ARHGAP32: variants seen among roughly 807,000 people sequenced by gnomAD.
The protein encoded by ARHGAP32 is Rho GTPase activating protein 32.
In ARHGAP32, 51 loss-of-function variants were observed where a neutral mutation model predicts 186.5. The ratio of observed to expected loss-of-function variants is 0.27; its 90% confidence interval spans 0.22 to 0.35. The LOEUF is 0.35. Among genes scored for constraint, ARHGAP32 ranks in the 10% least tolerant of loss-of-function variants. ARHGAP32 has a pLI of 1.00. For synonymous variants in ARHGAP32, 950 were observed against 964.3 expected (o/e 0.99, Z 0.27); for missense variants, 2,186 against 2,623.5 (o/e 0.83, Z 3.64).
chr11:129,025,697 G>A (rs1263228531), intron 11 of ARHGAP32, among the ~76,000 whole-genome samples: 1 of 151,836 alleles, frequency 6.6e-6, no homozygotes, highest in Non-Finnish European at 1.5e-5. Flanking sequence ...GATGAGGGAA[G>A]AGAGTGAGAA....
At chr11:129,083,842 C>T (rs548538365) in intron 6 of ARHGAP32, among the ~76,000 whole-genome samples, 1 of 151,996 alleles carries the variant, frequency 6.6e-6, no homozygotes, top group Non-Finnish European at 1.5e-5. Flanking sequence ...CAGAAATCAA[C>T]AAAACTGAAA....
chr11:129,066,963 T>C, intron 6 of ARHGAP32, 95 bp from the exon 7 acceptor site: 1 of 1,096,172 alleles, frequency 9.1e-7, no homozygotes, highest in East Asian at 2.6e-5. Context: ...ATTCATGAGA[T>C]TTTATATTTT....
At chr11:129,031,981 C>T (rs77300218) in intron 11 of ARHGAP32, among the ~76,000 whole-genome samples, 1,766 of 152,226 alleles carry the variant, frequency 0.012, 32 homozygotes, top group African/African-American at 0.04. Context: ...CAGGGGAGGA[C>T]CACCTTTCCA....
At chr11:129,154,176 T>C (rs929725191) in intron 2 of ARHGAP32, among the ~76,000 whole-genome samples, 1 of 152,110 alleles carries the variant, frequency 6.6e-6, no homozygotes, top group Non-Finnish European at 1.5e-5. Flanking sequence ...AAAATTACAA[T>C]GAGATAACTT....
intron 2 of ARHGAP32, among the ~76,000 whole-genome samples, chr11:129,131,799 G>A (rs1942816351): frequency 6.6e-6 from 1 of 152,100 alleles, no homozygotes; most frequent in South Asian, 2.1e-4. Context: ...TTTGAGTAGA[G>A]AAACAATAAA....
rs534800247 is a variant in ARHGAP32 at position 129,001,109 on chromosome 11, T to C, written c.1046-2641A>G. ...CAAACATGGGAGTGCAGATATCTCT[T>C]CTATATACGAATTTCCTTTCTTTTG... On this transcript the variant is annotated intron_variant, in intron 11 of 22. Coordinates refer to ENST00000682385, the MANE Select transcript of ARHGAP32 (RefSeq NM_001378024.1). Among the ~76,000 whole-genome samples the C allele has an allele frequency of 4.3e-4, 66 of 152,322 alleles. 2 individuals carry two copies. The South Asian group carries it at 0.013, about 31-fold the overall frequency.
intron 1 of ARHGAP32, among the ~76,000 whole-genome samples, chr11:129,234,496 C>T (rs980906955): frequency 6.6e-6 from 1 of 152,000 alleles, no homozygotes; most frequent in African/African-American, 2.4e-5. Flanking sequence ...AGTGCTAAGA[C>T]CTATTATCTT....
chr11:129,219,275 C>T (rs1944683931), intron 1 of ARHGAP32, among the ~76,000 whole-genome samples: 1 of 152,094 alleles, frequency 6.6e-6, no homozygotes, highest in Non-Finnish European at 1.5e-5. Flanking sequence ...GTACCTAGGA[C>T]TATATATACA....
At chr11:129,271,126 C>A (rs1458415953) in intron 1 of ARHGAP32, among the ~76,000 whole-genome samples, 1 of 152,116 alleles carries the variant, frequency 6.6e-6, no homozygotes, top group Non-Finnish European at 1.5e-5. Context: ...AGCCAGTAAG[C>A]AGAATGATAC....
At chr11:129,181,054 G>A (rs1363341352) in intron 1 of ARHGAP32, among the ~76,000 whole-genome samples, 1 of 152,118 alleles carries the variant, frequency 6.6e-6, no homozygotes, top group Non-Finnish European at 1.5e-5. Flanking sequence ...CCCAGGAACT[G>A]CACCTCAGGG....
At chr11:129,191,189 T>C (rs1051223476) in intron 1 of ARHGAP32, among the ~76,000 whole-genome samples, 2 of 152,164 alleles carry the variant, frequency 1.3e-5, no homozygotes, top group Non-Finnish European at 2.9e-5. Flanking sequence ...TATTCACCTA[T>C]CCAAGTTCTC....
intron 11 of ARHGAP32, among the ~76,000 whole-genome samples, chr11:129,025,382 A>C (rs944457665): frequency 6.6e-6 from 1 of 152,232 alleles, no homozygotes; most frequent in Non-Finnish European, 1.5e-5. Flanking sequence ...TCCACAATAA[A>C]AAACAATAAA....
At chr11:129,174,734 G>A (rs1223677551) in intron 1 of ARHGAP32, among the ~76,000 whole-genome samples, 1 of 152,138 alleles carries the variant, frequency 6.6e-6, no homozygotes, top group Non-Finnish European at 1.5e-5. Flanking sequence ...TGAGGATCCT[G>A]TCTGTTAGAA....
At chr11:129,164,876 CA>C (rs1243704911) in intron 1 of ARHGAP32, among the ~76,000 whole-genome samples, 1 of 152,042 alleles carries the variant, frequency 6.6e-6, no homozygotes, top group Non-Finnish European at 1.5e-5. Context: ...TCAATGAGAA[CA>C]ACTATGAATG....
intron 2 of ARHGAP32, among the ~76,000 whole-genome samples, chr11:129,127,962 C>A (rs1406739590): frequency 6.6e-6 from 1 of 152,166 alleles, no homozygotes; most frequent in Non-Finnish European, 1.5e-5. Context: ...CTATCTCTAG[C>A]AATTAACTGG....
intron 11 of ARHGAP32, among the ~76,000 whole-genome samples, chr11:129,001,449 T>C (rs535233359): frequency 6.6e-6 from 1 of 152,244 alleles, no homozygotes; most frequent in African/African-American, 2.4e-5. Flanking sequence ...CTTTTGCCCA[T>C]TTGTTAATCA....
Position 128,969,113 on chromosome 11 carries a change from C to A in ARHGAP32, c.6100G>T (p.Val2034Leu). Residue 2034 changes from valine to leucine, a missense_variant, in exon 23 of 23, where the codon GTG becomes TTG. By Grantham distance (32) the Val-to-Leu change is conservative (BLOSUM62 1). Transcript: ENST00000682385. The surrounding 1 kb of genome is among the most constrained non-coding windows in gnomAD (Gnocchi z 4.8). ...HGKRQSSVTV[V>L]SQYDNLEDYH... ...TCTTCCAGGTTATCATACTGGGACA[C>A]AACAGTCACACTGCTCTGGCGCTTG... is the stretch of plus-strand genomic sequence containing the variant. 2 of 1,605,106 alleles carry A rather than the reference C, an allele frequency of 1.2e-6. No homozygotes were observed. The highest frequency in any genetic ancestry group is 1.7e-6 in the Non-Finnish European group (2 of 1,173,878).
chr11:129,062,729 A>T (rs1386077709), intron 9 of ARHGAP32, among the ~76,000 whole-genome samples: 1 of 152,162 alleles, frequency 6.6e-6, no homozygotes, highest in African/African-American at 2.4e-5. Flanking sequence ...AGATAATTTT[A>T]AATATTCATG....
At chr11:129,144,943 C>T (rs865904458) in intron 2 of ARHGAP32, among the ~76,000 whole-genome samples, 2 of 152,282 alleles carry the variant, frequency 1.3e-5, no homozygotes, top group South Asian at 2.1e-4. Context: ...ATAATAATCA[C>T]AACTCCTCTG....
Sources: gnomAD v4.1 joint callset for allele counts (sites outside exome capture counted in the v4.1 genomes callset) on GRCh38, gnomAD v4.1.1 for gene constraint, Gnocchi (gnomAD v3.1) non-coding constraint, MANE v1.5 for transcripts, NCBI Gene and HGNC (gene_info 2026-07-23, HGNC 2026-07-21) for gene names.